CSMD1: variants seen among roughly 807,000 people sequenced by gnomAD.
CSMD1 encodes the protein CUB and sushi domain-containing protein 1.
In CSMD1, 213 loss-of-function variants were observed where a neutral mutation model predicts 417.5. The observed-to-expected ratio is 0.51, with a 90% CI of 0.46 to 0.57. CSMD1 has a LOEUF of 0.57. Among genes scored for constraint, CSMD1 ranks in the 20% least tolerant of loss-of-function variants. The pLI is 0.00. For synonymous variants in CSMD1, 2,862 were observed against 1,736.8 expected (o/e 1.65, Z -16.11); for missense variants, 6,923 against 4,529.7 (o/e 1.53, Z -15.17).
At chr8:3,789,280 G>C (rs757334433) in intron 5 of CSMD1, among the ~76,000 whole-genome samples, 3 of 151,422 alleles carry the variant, frequency 2.0e-5, no homozygotes, top group Non-Finnish European at 4.4e-5. Flanking sequence ...CTGAACTGTT[G>C]TTTTCAAGCT....
chr8:4,307,559 C>T (rs953117889), intron 3 of CSMD1, among the ~76,000 whole-genome samples: 1 of 152,164 alleles, frequency 6.6e-6, no homozygotes, highest in Non-Finnish European at 1.5e-5. Context: ...TAAAATGTTG[C>T]CTCTGCTTAT....
intron 7 of CSMD1, among the ~76,000 whole-genome samples, chr8:3,633,242 A>G (rs749771232): frequency 6.6e-6 from 1 of 152,204 alleles, no homozygotes; most frequent in Non-Finnish European, 1.5e-5. Context: ...TGGATATAAC[A>G]TAAATTACTC....
At chr8:3,670,489 GTATATATATCCCATATATA>G (rs1798934243) in intron 7 of CSMD1, among the ~76,000 whole-genome samples, 1 of 143,174 alleles carries the variant, frequency 7.0e-6, no homozygotes, top group African/African-American at 2.6e-5. Context: ...TATATATCCC[GTATATATATCCCATATATA>G]TATATATATC....
At chr8:3,825,594 G>C (rs1368930654) in intron 5 of CSMD1, among the ~76,000 whole-genome samples, 1 of 152,116 alleles carries the variant, frequency 6.6e-6, no homozygotes, top group African/African-American at 2.4e-5. Context: ...AGTGGGGGAA[G>C]GGATTAATAG....
chr8:3,158,452 A>G (rs2129038744), intron 38 of CSMD1, among the ~76,000 whole-genome samples: 1 of 152,320 alleles, frequency 6.6e-6, no homozygotes, highest in South Asian at 2.1e-4. Context: ...AGGGTTCAGC[A>G]AAGCACTGGG....
intron 3 of CSMD1, among the ~76,000 whole-genome samples, chr8:4,206,222 T>C (rs951683534): frequency 6.6e-6 from 1 of 152,168 alleles, no homozygotes; most frequent in African/African-American, 2.4e-5. Flanking sequence ...TACTTTAAGT[T>C]CTAGAGTACA....
Position 4,044,023 on chromosome 8 carries a change from A to C in CSMD1, c.416-11924T>G, listed in dbSNP as rs185069413. ...GAAAGAAATAATTTTGGCAAAGCTT[A>C]ATTAAAAAAAAACGCTGAATAATTA... On this transcript the variant is annotated intron_variant, in intron 3 of 69. Coordinates refer to ENST00000635120, the MANE Select transcript of CSMD1 (RefSeq NM_033225.6). 3.2e-3 allele frequency among the ~76,000 whole-genome samples: 439 copies of C among 139,032 alleles called. 2 individuals carry two copies. Among genetic ancestry groups the C allele is most frequent in the Middle Eastern group, 7.5e-3 (2 of 266 alleles). 91.2% of individuals were successfully genotyped at this position (139,032 alleles called of 152,430 possible).
At chr8:4,888,021 C>T (rs953119744) in intron 1 of CSMD1, among the ~76,000 whole-genome samples, 1 of 151,930 alleles carries the variant, frequency 6.6e-6, no homozygotes, top group African/African-American at 2.4e-5. Context: ...CTTTCCCTTC[C>T]TTTTTTGACC....
At chr8:3,391,373 T>C (rs376707256) in intron 17 of CSMD1, among the ~76,000 whole-genome samples, 1 of 152,196 alleles carries the variant, frequency 6.6e-6, no homozygotes, top group South Asian at 2.1e-4. Context: ...TAAAATTAAA[T>C]GGAAAACCTT....
intron 6 of CSMD1, among the ~76,000 whole-genome samples, chr8:3,726,223 T>C (rs548833725): frequency 5.3e-5 from 8 of 152,132 alleles, no homozygotes; most frequent in South Asian, 2.1e-4. Flanking sequence ...CCAGCCAGCA[T>C]TGACTGTAAA....
At chr8:4,481,438 T>C (rs2130130577) in intron 2 of CSMD1, among the ~76,000 whole-genome samples, 1 of 152,360 alleles carries the variant, frequency 6.6e-6, no homozygotes, top group South Asian at 2.1e-4. Flanking sequence ...GTTTTATTTT[T>C]TCTTAGTGGG....
At chr8:4,099,966 C>T (rs1207579569) in intron 3 of CSMD1, among the ~76,000 whole-genome samples, 2 of 152,152 alleles carry the variant, frequency 1.3e-5, no homozygotes, top group African/African-American at 2.4e-5. Context: ...ATTTATTTTA[C>T]TTCCTAATAC....
intron 3 of CSMD1, among the ~76,000 whole-genome samples, chr8:4,058,373 T>C (rs959705763): frequency 7.9e-5 from 12 of 152,178 alleles, no homozygotes; most frequent in African/African-American, 2.9e-4. Context: ...GTGATTTTTG[T>C]CCATTGATTT....
chr8:4,580,727 A>AT (rs1441031137), intron 2 of CSMD1, among the ~76,000 whole-genome samples: 2 of 152,168 alleles, frequency 1.3e-5, no homozygotes, highest in Non-Finnish European at 2.9e-5. Context: ...TCCTGATTAA[A>AT]TCACCCCAAA....
chr8:3,185,663 C>A (rs1821705199), intron 36 of CSMD1, among the ~76,000 whole-genome samples: 2 of 152,320 alleles, frequency 1.3e-5, no homozygotes, highest in South Asian at 4.1e-4. Context: ...TGCTGTACAG[C>A]AGTTGATAAA....
chr8:3,987,957 C>A (rs1034861188), intron 5 of CSMD1, among the ~76,000 whole-genome samples: 1 of 152,166 alleles, frequency 6.6e-6, no homozygotes, highest in Non-Finnish European at 1.5e-5. Flanking sequence ...AAATCCACAA[C>A]AAAGGAAACT....
At chr8:4,777,028 T>C (rs1223064223) in intron 1 of CSMD1, among the ~76,000 whole-genome samples, 2 of 152,136 alleles carry the variant, frequency 1.3e-5, no homozygotes, top group Non-Finnish European at 2.9e-5. Context: ...TCTAGTAAAG[T>C]TCGGTGTGTT....
chr8:4,011,184 TACC>T (rs1308654196), intron 4 of CSMD1, among the ~76,000 whole-genome samples: 1 of 152,226 alleles, frequency 6.6e-6, no homozygotes, highest in Non-Finnish European at 1.5e-5. Context: ...CAAATATTTC[TACC>T]TAGTGGGTAC....
chr8:3,692,223 G>C (rs1800288243), intron 7 of CSMD1, among the ~76,000 whole-genome samples: 1 of 152,058 alleles, frequency 6.6e-6, no homozygotes, highest in African/African-American at 2.4e-5. Context: ...AGTGTCCTGG[G>C]GGCAAAATCC....
Sources: allele counts gnomAD v4.1 joint callset (sites outside exome capture counted in the v4.1 genomes callset), GRCh38; gene constraint gnomAD v4.1.1; transcripts MANE v1.5; gene names NCBI Gene and HGNC (gene_info 2026-07-23, HGNC 2026-07-21).